Variants in GRM4 observed in about 807,000 individuals in gnomAD.
GRM4 encodes the protein metabotropic glutamate receptor 4.
A neutral mutation model predicts 81.7 loss-of-function variants in GRM4; 28 were observed. The ratio of observed to expected loss-of-function variants is 0.34; its 90% confidence interval spans 0.25 to 0.47. The LOEUF (loss-of-function observed/expected upper bound fraction) is 0.47, where lower values mean the gene tolerates loss of function less well. GRM4 is among the 20% of genes least tolerant of loss of function. The pLI is 1.00. For missense variants in GRM4, 948 were observed against 1,290.0 expected (o/e 0.73, Z 4.06); for synonymous variants, 488 against 528.8 (o/e 0.92, Z 1.06).
Position 34,070,062 on chromosome 6 carries a change from C to T in GRM4, c.737-8034G>A, listed in dbSNP as rs925883906. The stretch of plus-strand genomic sequence containing the variant: ...CTGACGGGGTTTTGAAGGGACAGCT[C>T]GGCAGGAGCTGCCAGCATGGGCGTG... On this transcript the variant is annotated intron_variant, in intron 3 of 10. Coordinates refer to ENST00000538487, the MANE Select transcript of GRM4 (RefSeq NM_000841.4). This position sits in a 1 kb window ranked among gnomAD's most constrained non-coding sequence, Gnocchi z 4.6. 6.6e-6 allele frequency among the ~76,000 whole-genome samples: 1 copy of T among 152,162 alleles called. No homozygotes were observed. Among genetic ancestry groups the T allele is most frequent in the South Asian group, 2.1e-4 (1 of 4,830 alleles).
At chr6:34,151,477 G>T (rs1771044556) in intron 1 of GRM4, among the ~76,000 whole-genome samples, 1 of 152,288 alleles carries the variant, frequency 6.6e-6, no homozygotes, top group East Asian at 1.9e-4. Flanking sequence ...TCACAAGCCG[G>T]GATGTCAAAA....
rs1360821398 is a variant in GRM4, at chr6:34,069,091, G to T, written c.737-7063C>A. On this transcript the variant is annotated intron_variant, in intron 3 of 10. Coordinates refer to ENST00000538487, the MANE Select transcript of GRM4 (RefSeq NM_000841.4). This position sits in a 1 kb window ranked among gnomAD's most constrained non-coding sequence, Gnocchi z 6.4. ...CACAGGGACAGGGGCAGGAGAGCAG[G>T]TCCCCCCGGCTCCCATAGGGGAGGA... Among the ~76,000 whole-genome samples, 1 of 151,778 alleles carries T rather than the reference G, an allele frequency of 6.6e-6. No individual in the cohort carries two copies. The highest frequency in any genetic ancestry group is 1.9e-4 in the East Asian group (1 of 5,158).
At position 34,035,557 on chromosome 6, in the gene GRM4, C is replaced by CAAGAAAGAAGGCAGA. The variant is rs1397078353; in HGVS notation, c.2442+110_2442+111insTCTGCCTTCTTTCTT. The CAAGAAAGAAGGCAGA allele has an allele frequency of 0.019, 7,055 of 374,634 alleles. 83 individuals are homozygous for CAAGAAAGAAGGCAGA. The highest frequency in any genetic ancestry group is 0.026 in the South Asian group (704 of 27,394). 23.2% of individuals were successfully genotyped at this position (374,634 alleles called of 1,614,324 possible). A position where few individuals can be genotyped will look rare whatever the true frequency, so the allele number is the denominator to read the frequency against. Reference sequence around the variant, plus strand: ...AGGCAAGAAAGAAGGCAGAATGAGGCATGAAAGAAGGCATTTCTGGAGCAG... The same window carrying CAAGAAAGAAGGCAGA: ...AGGCAAGAAAGAAGGCAGAATGAGGCAAGAAAGAAGGCAGAATGAAAGAAGGCATTTCTGGAGCAG... On this transcript the variant is annotated intron_variant, in intron 9 of 10. Coordinates refer to ENST00000538487, the MANE Select transcript of GRM4 (RefSeq NM_000841.4). This position sits in a 1 kb window ranked among gnomAD's most constrained non-coding sequence, Gnocchi z 6.6.
chr6:34,107,649 C>A (rs944550360), intron 2 of GRM4, among the ~76,000 whole-genome samples: 1 of 152,162 alleles, frequency 6.6e-6, no homozygotes, highest in African/African-American at 2.4e-5. Flanking sequence ...GGAAGCACAT[C>A]CCAGACAGAA....
In GRM4 at chr6:34,091,915, A is replaced by G; in HGVS notation, c.704T>C (p.Val235Ala). ...ASEGSYGESG[V>A]EAFIQKSRED... ...ACGGGACTTCTGGATGAAGGCCTCC[A>G]CACCGCTCTCACCATAGCTGCCCTC... The change falls in exon 3 of 11, where the codon GTG becomes GCG. Residue 235 changes from valine (V) to alanine (A), a missense_variant. By Grantham distance (64) the Val-to-Ala change is moderately conservative. Coordinates refer to ENST00000538487, the MANE Select transcript of GRM4 (RefSeq NM_000841.4). 6.2e-7 allele frequency: 1 copy of G among 1,613,962 alleles called. No individual in the cohort carries two copies. Among genetic ancestry groups the G allele is most frequent in the African/African-American group, 1.3e-5 (1 of 75,062 alleles).
At chr6:34,062,477 A>G (rs1162160355) in intron 3 of GRM4, 1 of 152,294 alleles carries the variant, frequency 6.6e-6, no homozygotes, top group Admixed American at 6.7e-5. Context: ...GGTAATGCAT[A>G]TAAAGACAAC....
rs111269156 is a variant in GRM4 at position 34,070,632 on chromosome 6, G to A, written c.737-8604C>T. ...GGAGGGCAGGAGCTCGGAGGACAGG[G>A]GCCTCATCACTTAGCCAGGCCAGGA... On this transcript the variant is annotated intron_variant, in intron 3 of 10. Transcript: ENST00000538487. This position sits in a 1 kb window ranked among gnomAD's most constrained non-coding sequence, Gnocchi z 4.6. 6.6e-6 allele frequency among the ~76,000 whole-genome samples: 1 copy of A among 151,846 alleles called. No homozygotes were observed. The highest frequency in any genetic ancestry group is 1.5e-5 in the Non-Finnish European group (1 of 67,954).
chr6:34,137,581 C>A (rs544022082), intron 1 of GRM4, among the ~76,000 whole-genome samples: 2 of 106,838 alleles, frequency 1.9e-5, no homozygotes, highest in African/African-American at 5.6e-5. Context: ...CTTCTAAGTC[C>A]CTTTTTTTTC....
At chr6:34,108,013 T>C (rs894261039) in intron 2 of GRM4, among the ~76,000 whole-genome samples, 2 of 152,204 alleles carry the variant, frequency 1.3e-5, no homozygotes, top group Admixed American at 1.3e-4. Context: ...GGTTCCCCTC[T>C]GGGCCAAGCC....
chr6:34,084,159 C>A (rs556602820), intron 3 of GRM4, among the ~76,000 whole-genome samples: 9 of 152,192 alleles, frequency 5.9e-5, no homozygotes, highest in Admixed American at 2.6e-4. Context: ...GCAGCCTGTC[C>A]GTGCCAGCTG....
intron 2 of GRM4, among the ~76,000 whole-genome samples, chr6:34,093,789 G>A (rs866459034): frequency 1.3e-5 from 2 of 152,162 alleles, no homozygotes; most frequent in African/African-American, 4.8e-5. Context: ...CCCGCTCTCC[G>A]CCTCCCCTGT....
In GRM4 at chr6:34,090,667, G is replaced by A. The variant is rs1273702207; in HGVS notation, c.736+1216C>T. Among the ~76,000 whole-genome samples the A allele has an allele frequency of 2.0e-5, 3 of 151,974 alleles. No individual in the cohort carries two copies. Among genetic ancestry groups the A allele is most frequent in the Non-Finnish European group, 2.9e-5 (2 of 67,960 alleles). On this transcript the variant is annotated intron_variant, in intron 3 of 10. Transcript: ENST00000538487. This position sits in a 1 kb window ranked among gnomAD's most constrained non-coding sequence, Gnocchi z 5.2. Reference sequence around the variant, plus strand: ...CGCCCCGCTGCCCCCTCCACCAGGTGGAGGCCCCCAAGCAGCTTCAGCTGT... The same window carrying A: ...CGCCCCGCTGCCCCCTCCACCAGGTAGAGGCCCCCAAGCAGCTTCAGCTGT...
At position 34,115,627 on chromosome 6, in the gene GRM4, A is replaced by G. The variant is rs1769565505; in HGVS notation, c.519+17351T>C. Among the ~76,000 whole-genome samples the G allele has an allele frequency of 6.6e-6, 1 of 152,204 alleles. No homozygotes were observed. The highest frequency in any genetic ancestry group is 1.5e-5 in the Non-Finnish European group (1 of 68,036). ...ATTTAGTAAATCGATGCTCTGAAAG[A>G]GCCTTTCTAGCTTCCCAAAGGGGCC... On this transcript the variant is annotated intron_variant, in intron 2 of 10. Transcript: ENST00000538487. This position sits in a 1 kb window ranked among gnomAD's most constrained non-coding sequence, Gnocchi z 4.1.
At position 34,068,443 on chromosome 6, in the gene GRM4, T is replaced by C. The variant is rs1766600239; in HGVS notation, c.737-6415A>G. Among the ~76,000 whole-genome samples, 4 of 152,172 alleles carry C rather than the reference T, an allele frequency of 2.6e-5. No individual in the cohort carries two copies. Among genetic ancestry groups the C allele is most frequent in the Non-Finnish European group, 5.9e-5 (4 of 68,020 alleles). Reference sequence around the variant, plus strand: ...GGTGAGCTTAGGTTTACAGGAGGTCTGACCGTGGCAGGACCCTCTGAGCCC... The same window carrying C: ...GGTGAGCTTAGGTTTACAGGAGGTCCGACCGTGGCAGGACCCTCTGAGCCC... On this transcript the variant is annotated intron_variant, in intron 3 of 10. Transcript: ENST00000538487. This position sits in a 1 kb window ranked among gnomAD's most constrained non-coding sequence, Gnocchi z 4.2.
Position 34,122,725 on chromosome 6 carries a change from G to A in GRM4, c.519+10253C>T, listed in dbSNP as rs564848493. ...AAGGCCCCGGGCTGGCGGCTTCCCC[G>A]GTTTGTCTGTCTGTCTGTCTGTCTG... On this transcript the variant is annotated intron_variant, in intron 2 of 10. Coordinates refer to ENST00000538487, the MANE Select transcript of GRM4 (RefSeq NM_000841.4). Among the ~76,000 whole-genome samples, 22 of 133,288 alleles carry A rather than the reference G, an allele frequency of 1.7e-4. No homozygotes were observed. In the East Asian group the frequency reaches 4.2e-3, roughly 26 times the overall value. 87.4% of individuals were successfully genotyped at this position (133,288 alleles called of 152,430 possible).
intron 1 of GRM4, among the ~76,000 whole-genome samples, chr6:34,140,334 C>T (rs1014013538): frequency 2.2e-5 from 2 of 91,110 alleles, no homozygotes; most frequent in Middle Eastern, 6.1e-3. Context: ...AGGGTTGATG[C>T]GATGAAGTCA....
intron 2 of GRM4, among the ~76,000 whole-genome samples, chr6:34,122,853 G>A (rs1329361934): frequency 6.6e-6 from 1 of 152,202 alleles, no homozygotes; most frequent in Admixed American, 6.5e-5. Flanking sequence ...GGAGAGACAC[G>A]ATTCCCGCAA....
intron 3 of GRM4, among the ~76,000 whole-genome samples, chr6:34,071,524 T>A (rs2127469488): frequency 4.1e-5 from 1 of 24,138 alleles, no homozygotes; most frequent in Admixed American, 5.5e-4. Flanking sequence ...TACCCACACA[T>A]CACCACACGG....
chr6:34,091,936 C>T lies in GRM4; in HGVS notation c.683G>A (p.Gly228Asp), dbSNP rs1369666632. The T allele has an allele frequency of 2.5e-6, 4 of 1,614,132 alleles. No individual in the cohort carries two copies. The highest frequency in any genetic ancestry group is 2.7e-5 in the African/African-American group (2 of 75,072). ...WNYVSTVASE[G>D]SYGESGVEAF... The stretch of plus-strand genomic sequence containing the variant: ...CTCCACACCGCTCTCACCATAGCTG[C>T]CCTCCGAGGCCACTGTGGACACATA... The change falls in exon 3 of 11, where the codon GGC becomes GAC. Residue 228 changes from glycine to aspartate, a missense_variant. Coordinates refer to ENST00000538487, the MANE Select transcript of GRM4 (RefSeq NM_000841.4).
Sources: gnomAD v4.1 joint callset for allele counts (sites outside exome capture counted in the v4.1 genomes callset) on GRCh38, gnomAD v4.1.1 for gene constraint, Gnocchi (gnomAD v3.1) non-coding constraint, MANE v1.5 for transcripts, NCBI Gene and HGNC (gene_info 2026-07-23, HGNC 2026-07-21) for gene names.